The following ZNF385D variants were observed in gnomAD, a reference collection of about 807,000 sequenced individuals.
ZNF385D encodes the protein zinc finger protein 659.
A neutral mutation model predicts 35.8 loss-of-function variants in ZNF385D; 15 were observed. The ratio of observed to expected loss-of-function variants is 0.42; its 90% CI spans 0.28 to 0.64. The LOEUF is 0.64. Ranked by LOEUF, ZNF385D falls within the 30% of genes least tolerant of loss-of-function variation. The pLI is 0.23. For missense variants in ZNF385D, 474 were observed against 494.6 expected (o/e 0.96, Z 0.39); for synonymous variants, 212 against 186.8 (o/e 1.13, Z -1.10).
At chr3:21,592,571 A>T (rs1421738217) in intron 2 of ZNF385D, among the ~76,000 whole-genome samples, 12 of 146,344 alleles carry the variant, frequency 8.2e-5, no homozygotes, top group African/African-American at 3.0e-4. Context: ...AACAAAAAAA[A>T]AAAACAATTA....
At chr3:21,981,713 T>C (rs1474006250) in intron 3 of ZNF385D, among the ~76,000 whole-genome samples, 1 of 152,196 alleles carries the variant, frequency 6.6e-6, no homozygotes, top group Non-Finnish European at 1.5e-5. Flanking sequence ...ATTTAAGTAT[T>C]CAATTCATCT....
At chr3:21,990,647 A>G (rs184922901) in intron 3 of ZNF385D, among the ~76,000 whole-genome samples, 5 of 152,368 alleles carry the variant, frequency 3.3e-5, no homozygotes, top group African/African-American at 2.4e-5. Context: ...CAGGGATACT[A>G]GAATATATAA....
chr3:21,577,826 T>TC (rs1168151443), intron 2 of ZNF385D, among the ~76,000 whole-genome samples: 2 of 151,400 alleles, frequency 1.3e-5, no homozygotes, highest in African/African-American at 2.4e-5. Context: ...TTTTTTTTTT[T>TC]CGAGACAGGG....
chr3:22,231,711 G>C (rs1044191158), intron 2 of ZNF385D, among the ~76,000 whole-genome samples: 1 of 152,058 alleles, frequency 6.6e-6, no homozygotes, highest in Non-Finnish European at 1.5e-5. Context: ...CTGGGGCAAG[G>C]AGCAGAGCAG....
chr3:22,267,891 ATG>A (rs372436384), intron 2 of ZNF385D, among the ~76,000 whole-genome samples: 110 of 152,094 alleles, frequency 7.2e-4, no homozygotes, highest in African/African-American at 2.6e-3. Flanking sequence ...TAAATATTCA[ATG>A]TGTTTCTACT....
At chr3:21,886,358 A>C (rs200537479) in intron 3 of ZNF385D, among the ~76,000 whole-genome samples, 444 of 151,174 alleles carry the variant, frequency 2.9e-3, no homozygotes, top group Middle Eastern at 0.01. Context: ...GGCTGTGATT[A>C]ATGAGGAAGA....
At chr3:22,005,574 A>G (rs56923353) in intron 3 of ZNF385D, among the ~76,000 whole-genome samples, 8,106 of 152,172 alleles carry the variant, frequency 0.053, 235 homozygotes, top group Middle Eastern at 0.071. Flanking sequence ...ACAATTACAC[A>G]CGTATCAAAA....
At chr3:22,073,864 A>G (rs1409818699) in intron 3 of ZNF385D, among the ~76,000 whole-genome samples, 1 of 151,990 alleles carries the variant, frequency 6.6e-6, no homozygotes, top group Non-Finnish European at 1.5e-5. Context: ...TCTTTTATAA[A>G]ACAGCCTTTA....
chr3:22,034,891 C>T (rs936187406), intron 3 of ZNF385D, among the ~76,000 whole-genome samples: 3 of 151,874 alleles, frequency 2.0e-5, no homozygotes, highest in Middle Eastern at 3.3e-3. Context: ...AAAGTCAGCC[C>T]GGAGATATGT....
chr3:22,278,456 GCTCA>G (rs1337980633), intron 2 of ZNF385D, among the ~76,000 whole-genome samples: 1 of 152,070 alleles, frequency 6.6e-6, no homozygotes, highest in Non-Finnish European at 1.5e-5. Context: ...ATTGTATTCT[GCTCA>G]CTCTCTTTTC....
chr3:21,621,446 A>G (rs1236984898), intron 2 of ZNF385D, among the ~76,000 whole-genome samples: 1 of 152,098 alleles, frequency 6.6e-6, no homozygotes. Context: ...CGGAGTCATT[A>G]AAGGCAGGCC....
intron 3 of ZNF385D, among the ~76,000 whole-genome samples, chr3:21,990,825 C>T (rs973512084): frequency 2.0e-5 from 3 of 152,160 alleles, no homozygotes; most frequent in African/African-American, 7.2e-5. Flanking sequence ...CTATTGAAAA[C>T]TGTATAGCTT....
chr3:22,242,402 G>T (rs560374312), intron 2 of ZNF385D, among the ~76,000 whole-genome samples: 2 of 150,650 alleles, frequency 1.3e-5, no homozygotes, highest in South Asian at 4.4e-4. Context: ...TTAACCAAAC[G>T]ATCAAGGTTA....
chr3:22,311,235 T>C (rs1240637182), intron 2 of ZNF385D, among the ~76,000 whole-genome samples: 1 of 152,062 alleles, frequency 6.6e-6, no homozygotes, highest in Non-Finnish European at 1.5e-5. Flanking sequence ...GCTAATACTT[T>C]TATCTTTATA....
intron 2 of ZNF385D, among the ~76,000 whole-genome samples, chr3:22,233,777 T>C (rs1394159546): frequency 6.6e-6 from 1 of 152,114 alleles, no homozygotes; most frequent in Non-Finnish European, 1.5e-5. Context: ...CACCTACTTA[T>C]TTGAACATTC....
chr3:21,430,757 C>A (rs1701257419), intron 5 of ZNF385D, among the ~76,000 whole-genome samples: 1 of 152,126 alleles, frequency 6.6e-6, no homozygotes, highest in South Asian at 2.1e-4. Flanking sequence ...TTCCTTAAGG[C>A]CATGGAAAAT....
intron 3 of ZNF385D, among the ~76,000 whole-genome samples, chr3:21,556,299 T>C (rs2062741295): frequency 6.6e-6 from 1 of 152,170 alleles, no homozygotes; most frequent in African/African-American, 2.4e-5. Context: ...TCCTTGCCCA[T>C]GCTTATGTCC....
chr3:21,482,326 T>C (rs1704686807), intron 4 of ZNF385D, among the ~76,000 whole-genome samples: 1 of 152,172 alleles, frequency 6.6e-6, no homozygotes, highest in African/African-American at 2.4e-5. Context: ...TTTGGAACAC[T>C]GGCCATGACC....
At chr3:22,286,443 T>G (rs903721942) in intron 2 of ZNF385D, among the ~76,000 whole-genome samples, 1 of 152,134 alleles carries the variant, frequency 6.6e-6, no homozygotes, top group African/African-American at 2.4e-5. Context: ...CTGCTAACTT[T>G]TGGCTTAGTT....
Sources: allele counts gnomAD v4.1 joint callset (sites outside exome capture counted in the v4.1 genomes callset), GRCh38; gene constraint gnomAD v4.1.1; transcripts MANE v1.5; gene names NCBI Gene and HGNC (gene_info 2026-07-23, HGNC 2026-07-21).